NCOA3: variants seen among roughly 807,000 people sequenced by gnomAD.
The protein encoded by NCOA3 is nuclear receptor coactivator 3, also known as CBP-interacting protein.
In NCOA3, 51 loss-of-function variants were observed where a neutral mutation model predicts 158.8. That is an observed-to-expected ratio of 0.32 (90% confidence interval 0.26 to 0.41). NCOA3 has a LOEUF of 0.41. NCOA3 is among the 10% of genes least tolerant of loss of function. The pLI, the probability that NCOA3 is intolerant of heterozygous loss-of-function variation, is 1.00. For synonymous variants in NCOA3, 537 were observed against 592.4 expected (o/e 0.91, Z 1.36); for missense variants, 1,510 against 1,746.6 (o/e 0.86, Z 2.41).
intron 1 of NCOA3, among the ~76,000 whole-genome samples, chr20:47,555,639 T>C (rs1369210420): frequency 7.0e-6 from 1 of 143,222 alleles, no homozygotes. Flanking sequence ...AGTGTTTTTT[T>C]TTTTTTTTTT....
intron 1 of NCOA3, among the ~76,000 whole-genome samples, chr20:47,554,170 T>C (rs1368093061): frequency 6.6e-6 from 1 of 152,240 alleles, no homozygotes; most frequent in African/African-American, 2.4e-5. Context: ...CATTTTTTCA[T>C]GTGTTTTTTG....
chr20:47,583,629 C>T (rs1410152157), intron 2 of NCOA3, among the ~76,000 whole-genome samples: 1 of 152,146 alleles, frequency 6.6e-6, no homozygotes, highest in Non-Finnish European at 1.5e-5. Context: ...TGTATTCTTA[C>T]AATAAAGTAA....
chr20:47,509,486 CCTT>C (rs994996274), intron 1 of NCOA3, among the ~76,000 whole-genome samples: 4 of 152,202 alleles, frequency 2.6e-5, no homozygotes, highest in African/African-American at 9.6e-5. Context: ...TCAGTCCCCT[CCTT>C]CTCGTGTAAG....
intron 1 of NCOA3, among the ~76,000 whole-genome samples, chr20:47,540,936 A>G (rs2084717522): frequency 6.6e-6 from 1 of 152,136 alleles, no homozygotes; most frequent in Admixed American, 6.5e-5. Flanking sequence ...TTACCTTTAA[A>G]ATCATATTAA....
chr20:47,585,092 C>T (rs1034953737), intron 2 of NCOA3, among the ~76,000 whole-genome samples: 1 of 135,006 alleles, frequency 7.4e-6, no homozygotes, highest in Admixed American at 8.2e-5. Flanking sequence ...CCCTCTGTCA[C>T]CCAGGCTGGA....
intron 9 of NCOA3, 29 bp downstream of exon 9, chr20:47,633,665 A>G (rs1328302845): frequency 6.2e-7 from 1 of 1,601,100 alleles, no homozygotes; most frequent in Non-Finnish European, 8.5e-7. Flanking sequence ...GATTGTTCTT[A>G]TCATTTTATT....
intron 9 of NCOA3, 126 bp downstream of exon 9, chr20:47,633,762 C>A (rs999872959): frequency 1.8e-6 from 2 of 1,083,942 alleles, no homozygotes; most frequent in South Asian, 1.6e-5. Context: ...TTCTGAGTAG[C>A]CAAGACTGCA....
At chr20:47,508,428 G>GACT (rs1208431806) in intron 1 of NCOA3, among the ~76,000 whole-genome samples, 11 of 152,204 alleles carry the variant, frequency 7.2e-5, no homozygotes, top group African/African-American at 2.7e-4. Flanking sequence ...AATAATGACT[G>GACT]ACTAGTAGGC....
intron 2 of NCOA3, among the ~76,000 whole-genome samples, chr20:47,604,232 A>G (rs977666166): frequency 1.3e-5 from 2 of 152,092 alleles, no homozygotes; most frequent in Non-Finnish European, 2.9e-5. Context: ...CCTCTCAACA[A>G]CTTTGTAAAG....
intron 1 of NCOA3, among the ~76,000 whole-genome samples, chr20:47,510,083 T>G (rs1331433529): frequency 6.6e-6 from 1 of 152,052 alleles, no homozygotes; most frequent in East Asian, 1.9e-4. Context: ...CATATTAAGT[T>G]TAAAACTACT....
Position 47,511,550 on chromosome 20 carries a change from T to TATATATATATATATATACACAC in NCOA3, c.-99+9537_-99+9538insATATATATATACACACATATAT. Among the ~76,000 whole-genome samples, 23 of 52,266 alleles carry TATATATATATATATATACACAC rather than the reference T, an allele frequency of 4.4e-4. 4 individuals are homozygous for TATATATATATATATATACACAC. The highest frequency in any genetic ancestry group is 2.8e-3 in the South Asian group (3 of 1,060). The allele number at this position is 52,266 out of a possible 152,430, so 34.3% of individuals were successfully genotyped here. On this transcript the variant is annotated intron_variant, in intron 1 of 22. Transcript: ENST00000371998. The stretch of plus-strand genomic sequence containing the variant: ...ATATATATATATATATATATATATA[T>TATATATATATATATATACACAC]ATATATTTCTTTTTTTTTTTGAGAC...
chr20:47,525,815 C>T (rs1477404068), intron 1 of NCOA3, among the ~76,000 whole-genome samples: 2 of 119,698 alleles, frequency 1.7e-5, no homozygotes, highest in East Asian at 2.6e-4. Flanking sequence ...CAGAGGGGCT[C>T]CTCACTTCCC....
chr20:47,568,423 A>T (rs1001778406), intron 1 of NCOA3, among the ~76,000 whole-genome samples: 2 of 152,234 alleles, frequency 1.3e-5, no homozygotes, highest in Admixed American at 1.3e-4. Context: ...GTTTCCCAGT[A>T]GATAAAAAGT....
intron 1 of NCOA3, among the ~76,000 whole-genome samples, chr20:47,573,381 CAG>C (rs34798860): frequency 0.11 from 16,821 of 151,980 alleles, 1,156 homozygotes; most frequent in Middle Eastern, 0.18. Context: ...GCCTGGGTGA[CAG>C]GGCAAGACTA....
Position 47,502,056 on chromosome 20 carries a change from G to T in NCOA3, c.-99+37G>T, listed in dbSNP as rs1054752829. 206 of 399,456 alleles carry T rather than the reference G, an allele frequency of 5.2e-4. No homozygotes were observed. The East Asian group carries it at 7.3e-3, about 14-fold the overall frequency. 24.7% of individuals were successfully genotyped at this position (399,456 alleles called of 1,614,324 possible). ...TAAAGGAGGAGGCGGTGGCGGGCGA[G>T]GGGGTGGAGTGCGAGGCGGAGGGAA... On this transcript the variant is annotated intron_variant, in intron 1 of 22. Transcript: ENST00000371998.
intron 2 of NCOA3, among the ~76,000 whole-genome samples, chr20:47,590,142 G>A (rs1568707923): frequency 6.6e-6 from 1 of 151,808 alleles, no homozygotes; most frequent in Non-Finnish European, 1.5e-5. Context: ...CTTGTCATAC[G>A]ATTATATTAT....
At chr20:47,601,220 C>T (rs2085857213) in intron 2 of NCOA3, among the ~76,000 whole-genome samples, 1 of 152,212 alleles carries the variant, frequency 6.6e-6, no homozygotes. Flanking sequence ...GGTGGTCTCA[C>T]TTTGTAACAA....
intron 1 of NCOA3, among the ~76,000 whole-genome samples, chr20:47,557,659 C>G (rs950617505): frequency 2.0e-5 from 3 of 152,116 alleles, no homozygotes; most frequent in African/African-American, 7.2e-5. Context: ...AATAGTCCTT[C>G]AAATCAGCCA....
chr20:47,636,254 A>C lies in NCOA3; in HGVS notation c.1868A>C (p.Gln623Pro). The part of the protein sequence containing the change: ...LESKGHKKLL[Q>P]LLTCSSDDRG... ...AGCAAAGGTCATAAAAAATTACTGC[A>C]GTTACTTACCTGTTCTTCTGATGAC... Residue 623 changes from glutamine to proline, a missense_variant, in exon 12 of 23, where the codon CAG (glutamine) becomes CCG (proline). Gln to Pro is a moderately conservative substitution (Grantham distance 76, BLOSUM62 -1). Around this residue, in one of 4 missense-constraint regions of NCOA3, gnomAD observed 1,017 missense variants for 1,098.3 expected, o/e 0.93. Transcript: ENST00000371998. The C allele has an allele frequency of 6.2e-7, 1 of 1,614,180 alleles. No homozygotes were observed. The highest frequency in any genetic ancestry group is 8.5e-7 in the Non-Finnish European group (1 of 1,180,036).
Sources: allele counts gnomAD v4.1 joint callset (sites outside exome capture counted in the v4.1 genomes callset), GRCh38; gene constraint gnomAD v4.1.1; regional missense constraint gnomAD v4.1.1; transcripts MANE v1.5; gene names NCBI Gene and HGNC (gene_info 2026-07-23, HGNC 2026-07-21).